LAMB3: variants seen among roughly 807,000 people sequenced by gnomAD.
The protein encoded by LAMB3 is laminin subunit beta-3.
In LAMB3, 104 loss-of-function variants were observed where a neutral mutation model predicts 140.3. The ratio of observed to expected loss-of-function variants is 0.74; its 90% CI spans 0.63 to 0.87. The LOEUF is 0.87. LAMB3 is among the 40% of genes least tolerant of loss of function. The pLI is 0.00. For missense variants in LAMB3, 1,531 were observed against 1,575.2 expected (o/e 0.97, Z 0.47); for synonymous variants, 592 against 602.9 (o/e 0.98, Z 0.26).
chr1:209,625,624 T>C (rs1666406500), intron 14 of LAMB3, 24 bp downstream of exon 14: 3 of 1,614,032 alleles, frequency 1.9e-6, no homozygotes, highest in South Asian at 1.1e-5. Context: ...TTCTTGCAAA[T>C]GCTTGGCAGG....
At chr1:209,639,093 G>A (rs2076440861) in intron 3 of LAMB3, among the ~76,000 whole-genome samples, 1 of 152,120 alleles carries the variant, frequency 6.6e-6, no homozygotes, top group Admixed American at 6.5e-5. Flanking sequence ...GGAAATTCTG[G>A]GGTTTTAAGG....
At chr1:209,630,467 G>T in intron 9 of LAMB3, 148 bp downstream of exon 9, 1 of 924,556 alleles carries the variant, frequency 1.1e-6, no homozygotes, top group Non-Finnish European at 1.7e-6. Context: ...CACAGAGCCA[G>T]GAGAGCTTGA....
chr1:209,618,110 G>A (rs1173619476), intron 19 of LAMB3, 62 bp from the exon 20 acceptor site: 1 of 1,599,984 alleles, frequency 6.3e-7, no homozygotes, highest in East Asian at 2.2e-5. Context: ...ATCAATGTGT[G>A]GTTCGACTCA....
intron 3 of LAMB3, among the ~76,000 whole-genome samples, chr1:209,643,965 AG>A (rs1291218157): frequency 1.3e-5 from 2 of 152,216 alleles, no homozygotes; most frequent in Non-Finnish European, 2.9e-5. Context: ...TCAGCCCAGA[AG>A]TTAAAGGTAC....
At chr1:209,616,124 C>T (rs1665952289) in intron 22 of LAMB3, among the ~76,000 whole-genome samples, 1 of 152,096 alleles carries the variant, frequency 6.6e-6, no homozygotes, top group Non-Finnish European at 1.5e-5. Flanking sequence ...TCCCTGAACC[C>T]CAGAACTCTT....
intron 19 of LAMB3, 114 bp from the exon 20 acceptor site, chr1:209,618,162 A>T: frequency 7.4e-7 from 1 of 1,345,928 alleles, no homozygotes; most frequent in Non-Finnish European, 1.0e-6. Context: ...CAAGGCAAAG[A>T]GCAAGGAAAG....
chr1:209,641,565 G>A (rs190946143), intron 3 of LAMB3, among the ~76,000 whole-genome samples: 3 of 152,284 alleles, frequency 2.0e-5, no homozygotes, highest in East Asian at 3.9e-4. Context: ...AGGGAAGTAT[G>A]CTAAAGGGTA....
intron 9 of LAMB3, 104 bp downstream of exon 9, chr1:209,630,511 A>G (rs774582815): frequency 7.7e-7 from 1 of 1,290,438 alleles, no homozygotes; most frequent in Non-Finnish European, 1.1e-6. Context: ...AGATTTACAT[A>G]AGAAAGACTG....
intron 10 of LAMB3, among the ~76,000 whole-genome samples, chr1:209,629,462 T>C (rs1666595522): frequency 6.6e-6 from 1 of 152,228 alleles, no homozygotes; most frequent in Non-Finnish European, 1.5e-5. Context: ...TGTTCCCTGA[T>C]GGCACAAACT....
chr1:209,629,680 G>C (rs1431111025), intron 10 of LAMB3, 57 bp downstream of exon 10: 6 of 1,530,276 alleles, frequency 3.9e-6, no homozygotes, highest in East Asian at 2.2e-5. Flanking sequence ...ATTGTACCCA[G>C]AGGAGATGGG....
At chr1:209,633,831 G>A (rs1666785406) in intron 6 of LAMB3, among the ~76,000 whole-genome samples, 2 of 152,290 alleles carry the variant, frequency 1.3e-5, no homozygotes, top group South Asian at 4.1e-4. Context: ...AGAAACTACA[G>A]CCTCCTCTGC....
At chr1:209,648,837 ACT>A (rs1362787198) in intron 3 of LAMB3, among the ~76,000 whole-genome samples, 1 of 151,318 alleles carries the variant, frequency 6.6e-6, no homozygotes, top group Non-Finnish European at 1.5e-5. Context: ...AGCCAAAATC[ACT>A]CTGTTGCCTA....
At chr1:209,624,964 A>AGGG (rs1232145505) in intron 14 of LAMB3, among the ~76,000 whole-genome samples, 8 of 149,498 alleles carry the variant, frequency 5.4e-5, no homozygotes, top group African/African-American at 2.0e-4. Flanking sequence ...AAGGAAGGAA[A>AGGG]AAAGAAGGAA....
In LAMB3 at chr1:209,627,419, G is replaced by T. The variant is rs781012508; in HGVS notation, c.1449C>A (p.Cys483Ter). ...ASGQGCEPCA[C>*]DPHNSLSPQC... ...GTGGGCTGAGGGAGTTGTGCGGGTC[G>T]CAGGCACACGGTTCACAGCCCTGGC... Residue 483 changes from cysteine (C) to a stop codon, truncating the protein, a stop_gained, in exon 12 of 23, where the codon TGC becomes TGA. Transcript: ENST00000356082. LOFTEE classifies it high-confidence loss of function. The T allele has an allele frequency of 1.2e-6, 2 of 1,613,762 alleles. No homozygotes were observed. The highest frequency in any genetic ancestry group is 1.7e-6 in the Non-Finnish European group (2 of 1,179,904).
chr1:209,629,154 A>G (rs550044857), intron 10 of LAMB3, among the ~76,000 whole-genome samples: 1 of 152,310 alleles, frequency 6.6e-6, no homozygotes, highest in East Asian at 1.9e-4. Context: ...CAGTCCAGGC[A>G]GCCCTCTCCT....
intron 9 of LAMB3, 115 bp from the exon 10 acceptor site, chr1:209,630,040 G>A (rs1666623308): frequency 3.0e-6 from 3 of 1,011,098 alleles, no homozygotes; most frequent in Non-Finnish European, 3.1e-6. Flanking sequence ...ATCAAGGCAG[G>A]GAAGTGGGGA....
chr1:209,629,083 A>G (rs1205699304), intron 10 of LAMB3, among the ~76,000 whole-genome samples: 1 of 152,142 alleles, frequency 6.6e-6, no homozygotes, highest in East Asian at 1.9e-4. Context: ...ACCTTTCAAA[A>G]TGTAAGACCC....
At position 209,623,749 on chromosome 1, in the gene LAMB3, G is replaced by A. The variant is rs140439614; in HGVS notation, c.2138-24C>T. On this transcript the variant is annotated intron_variant, in intron 15 of 22. Coordinates refer to ENST00000356082, the MANE Select transcript of LAMB3 (RefSeq NM_000228.3). The surrounding 1 kb of genome is among the most constrained non-coding windows in gnomAD (Gnocchi z 4.2). ...TCCTGTGGCGAGAAGCATGAGGAATGGAGATGGAGGAGGAGCAGGAGGGAG... is the reference window on the plus strand; with the variant it reads ...TCCTGTGGCGAGAAGCATGAGGAATAGAGATGGAGGAGGAGCAGGAGGGAG... 6.8e-3 allele frequency: 11,042 copies of A among 1,613,698 alleles called. 86 individuals are homozygous for A. The highest frequency in any genetic ancestry group is 0.038 in the African/African-American group (2,849 of 75,062).
At chr1:209,618,738 C>A in intron 18 of LAMB3, 79 bp from the exon 19 acceptor site, 2 of 1,405,160 alleles carry the variant, frequency 1.4e-6, no homozygotes, top group Non-Finnish European at 2.0e-6. Context: ...CTGAGCAGCA[C>A]TTGTGGAAGG....
Sources: gnomAD v4.1 joint callset for allele counts (sites outside exome capture counted in the v4.1 genomes callset) on GRCh38, gnomAD v4.1.1 for gene constraint, Gnocchi (gnomAD v3.1) non-coding constraint, MANE v1.5 for transcripts, NCBI Gene and HGNC (gene_info 2026-07-23, HGNC 2026-07-21) for gene names.